The following ELAVL2 variants were observed in gnomAD, a reference collection of about 807,000 sequenced individuals.
The protein encoded by ELAVL2 is ELAV-like protein 2.
Under a neutral mutation model 34.6 loss-of-function variants are expected in ELAVL2, and 4 were observed. The ratio of observed to expected loss-of-function variants is 0.12; its 90% CI spans 0.06 to 0.26. ELAVL2 has a LOEUF of 0.26. ELAVL2 is among the 10% of genes least tolerant of loss of function. The pLI, the probability that ELAVL2 is intolerant of heterozygous loss-of-function variation, is 1.00. For missense variants in ELAVL2, 432 were observed against 442.8 expected (o/e 0.98, Z 0.22); for synonymous variants, 193 against 154.8 (o/e 1.25, Z -1.83).
chr9:23,797,821 G>T (rs190707802), intron 1 of ELAVL2, among the ~76,000 whole-genome samples: 1 of 152,160 alleles, frequency 6.6e-6, no homozygotes, highest in African/African-American at 2.4e-5. Context: ...CGAGCTACTC[G>T]GGTGGCTGAG....
At chr9:23,737,573 C>A (rs768435217) in intron 2 of ELAVL2, among the ~76,000 whole-genome samples, 39 of 152,092 alleles carry the variant, frequency 2.6e-4, no homozygotes, top group Non-Finnish European at 5.0e-4. Context: ...AGTACTTTTT[C>A]ACTAATATAA....
At chr9:23,724,667 A>G (rs1292977638) in intron 3 of ELAVL2, among the ~76,000 whole-genome samples, 3 of 152,198 alleles carry the variant, frequency 2.0e-5, no homozygotes, top group Non-Finnish European at 4.4e-5. Flanking sequence ...AGATAGAAGC[A>G]TTTTATTTAA....
At chr9:23,741,046 T>C (rs2049033569) in intron 2 of ELAVL2, among the ~76,000 whole-genome samples, 1 of 152,150 alleles carries the variant, frequency 6.6e-6, no homozygotes, top group Admixed American at 6.5e-5. Flanking sequence ...AGGCACCTAA[T>C]GAACATGAAA....
intron 1 of ELAVL2, among the ~76,000 whole-genome samples, chr9:23,811,217 A>G (rs2062941494): frequency 6.6e-6 from 1 of 152,178 alleles, no homozygotes; most frequent in South Asian, 2.1e-4. Flanking sequence ...CAAAAAGTCC[A>G]AGAAACAAGA....
chr9:23,803,947 A>G (rs2061886241), intron 1 of ELAVL2, among the ~76,000 whole-genome samples: 2 of 152,298 alleles, frequency 1.3e-5, no homozygotes, highest in Middle Eastern at 6.8e-3. Context: ...CTGAGCACCC[A>G]ACGACCATGC....
chr9:23,693,638 C>T, intron 5 of ELAVL2, 152 bp from the exon 6 acceptor site: 1 of 867,250 alleles, frequency 1.2e-6, no homozygotes, highest in Non-Finnish European at 1.8e-6. Context: ...CGTTTTTAAG[C>T]TAATGGGCAC....
At chr9:23,769,261 G>A (rs185963149) in intron 1 of ELAVL2, among the ~76,000 whole-genome samples, 1 of 152,114 alleles carries the variant, frequency 6.6e-6, no homozygotes, top group East Asian at 1.9e-4. Flanking sequence ...ACCATCCTTT[G>A]GGGAACTTGC....
At chr9:23,809,712 A>G (rs2062727454) in intron 1 of ELAVL2, among the ~76,000 whole-genome samples, 1 of 152,168 alleles carries the variant, frequency 6.6e-6, no homozygotes, top group African/African-American at 2.4e-5. Context: ...TTTCTCCTAA[A>G]AACACACTAT....
intron 1 of ELAVL2, among the ~76,000 whole-genome samples, chr9:23,771,497 A>G (rs999697568): frequency 6.6e-6 from 1 of 152,062 alleles, no homozygotes; most frequent in Non-Finnish European, 1.5e-5. Context: ...TTAAATCCAG[A>G]GTTATTCACT....
chr9:23,726,530 T>C (rs545147993), intron 3 of ELAVL2, among the ~76,000 whole-genome samples: 37 of 152,186 alleles, frequency 2.4e-4, no homozygotes, highest in African/African-American at 8.9e-4. Flanking sequence ...AACAGCTCCT[T>C]CTTTCCAGAT....
At chr9:23,772,844 C>G (rs753846930) in intron 1 of ELAVL2, among the ~76,000 whole-genome samples, 3 of 152,138 alleles carry the variant, frequency 2.0e-5, no homozygotes, top group Non-Finnish European at 4.4e-5. Flanking sequence ...TTTAGAGACA[C>G]AACTATGTTT....
At chr9:23,802,548 C>G (rs539122493) in intron 1 of ELAVL2, among the ~76,000 whole-genome samples, 8 of 152,300 alleles carry the variant, frequency 5.3e-5, no homozygotes, top group Non-Finnish European at 1.0e-4. Context: ...AATACAGATT[C>G]CAAGTTTTAA....
At chr9:23,776,283 A>T (rs949613439) in intron 1 of ELAVL2, among the ~76,000 whole-genome samples, 4 of 152,214 alleles carry the variant, frequency 2.6e-5, no homozygotes, top group African/African-American at 4.8e-5. Context: ...TGGAATCAGC[A>T]TTTTTTAATT....
At chr9:23,730,260 A>G (rs1032544373) in intron 3 of ELAVL2, among the ~76,000 whole-genome samples, 9 of 152,184 alleles carry the variant, frequency 5.9e-5, no homozygotes, top group Non-Finnish European at 7.4e-5. Flanking sequence ...GAGAATCTAC[A>G]TAAGAATTTC....
chr9:23,839,783 A>ATAT, the ELAVL2 span, among the ~76,000 whole-genome samples: 18 of 152,190 alleles, frequency 1.2e-4, no homozygotes, highest in African/African-American at 4.3e-4. Flanking sequence ...TGTGACCTTT[A>ATAT]TATAAAGAAA....
chr9:23,753,261 G>A (rs2052607860), intron 2 of ELAVL2, among the ~76,000 whole-genome samples: 1 of 152,138 alleles, frequency 6.6e-6, no homozygotes, highest in Non-Finnish European at 1.5e-5. Context: ...AGTGTACTCA[G>A]CTGAAAGTCA....
intron 2 of ELAVL2, among the ~76,000 whole-genome samples, chr9:23,754,927 A>G (rs2053170396): frequency 6.6e-6 from 1 of 152,192 alleles, no homozygotes; most frequent in African/African-American, 2.4e-5. Context: ...TACTTGAGAC[A>G]GTCAACATCA....
At chr9:23,847,028 T>C in the ELAVL2 span, among the ~76,000 whole-genome samples, 1 of 152,120 alleles carries the variant, frequency 6.6e-6, no homozygotes, top group Admixed American at 6.5e-5. Context: ...CTAAAGTGTT[T>C]TGAAGATTAA....
At chr9:23,823,282 C>G (rs549526171) in intron 1 of ELAVL2, among the ~76,000 whole-genome samples, 1 of 152,180 alleles carries the variant, frequency 6.6e-6, no homozygotes, top group East Asian at 1.9e-4. Context: ...GCTAAAAATG[C>G]CTATTTCCAA....
Sources: gnomAD v4.1 joint callset for allele counts (sites outside exome capture counted in the v4.1 genomes callset) on GRCh38, gnomAD v4.1.1 for gene constraint, MANE v1.5 for transcripts, NCBI Gene and HGNC (gene_info 2026-07-23, HGNC 2026-07-21) for gene names.